Variants in BTBD9 observed in about 807,000 individuals in gnomAD.
BTBD9 encodes BTB domain containing 9.
In BTBD9, 49 loss-of-function variants were observed where a neutral mutation model predicts 64.3. That is an observed-to-expected ratio of 0.76 (90% CI 0.61 to 0.97). BTBD9 has a LOEUF of 0.97. Among genes scored for constraint, BTBD9 ranks in the 50% least tolerant of loss-of-function variants. The pLI, the probability that BTBD9 is intolerant of heterozygous loss-of-function variation, is 0.00. For missense variants in BTBD9, 598 were observed against 762.1 expected (o/e 0.78, Z 2.53); for synonymous variants, 260 against 274.7 (o/e 0.95, Z 0.53).
At chr6:38,433,617 T>G (rs1303978412) in intron 6 of BTBD9, among the ~76,000 whole-genome samples, 1 of 151,482 alleles carries the variant, frequency 6.6e-6, no homozygotes, top group Admixed American at 6.6e-5. Context: ...GCCCCACCCC[T>G]ATCTCCCTTT....
chr6:38,283,715 G>A (rs138516277), intron 8 of BTBD9, among the ~76,000 whole-genome samples: 130 of 152,214 alleles, frequency 8.5e-4, no homozygotes, highest in African/African-American at 3.0e-3. Flanking sequence ...GGTAAGAGAG[G>A]GTTTCCAGGA....
intron 7 of BTBD9, among the ~76,000 whole-genome samples, chr6:38,307,543 G>T (rs1265702837): frequency 6.6e-6 from 1 of 152,172 alleles, no homozygotes; most frequent in East Asian, 1.9e-4. Flanking sequence ...CCATACCTGT[G>T]GGTGAAGCCC....
intron 9 of BTBD9, among the ~76,000 whole-genome samples, chr6:38,243,614 A>G (rs1175861396): frequency 6.6e-6 from 1 of 152,172 alleles, no homozygotes; most frequent in Non-Finnish European, 1.5e-5. Context: ...ATGACTGTGG[A>G]GGGCAAAGAA....
intron 7 of BTBD9, among the ~76,000 whole-genome samples, chr6:38,294,872 C>A (rs1762101403): frequency 6.6e-6 from 1 of 151,294 alleles, no homozygotes; most frequent in African/African-American, 2.4e-5. Flanking sequence ...AATTGCTCCA[C>A]ATCCTCACCA....
At position 38,170,258 on chromosome 6, in the gene BTBD9, C is replaced by G. The variant is rs1016663306; in HGVS notation, c.*4727G>C. ...TCTTCCATGCACCTGTCCCCTGCCT[C>G]TGCATGAGCCCAGCAGAAAATCCTA... On this transcript the variant is annotated 3_prime_UTR_variant, in exon 11 of 11. Transcript: ENST00000481247. The G allele has an allele frequency of 6.6e-6, 1 of 152,568 alleles. No individual in the cohort carries two copies. The highest frequency in any genetic ancestry group is 2.4e-5 in the African/African-American group (1 of 41,572). 9.5% of individuals were successfully genotyped at this position (152,568 alleles called of 1,614,324 possible).
intron 6 of BTBD9, among the ~76,000 whole-genome samples, chr6:38,436,989 CT>C (rs1215119515): frequency 6.6e-6 from 1 of 152,200 alleles, no homozygotes; most frequent in Non-Finnish European, 1.5e-5. Context: ...TCTGTGATAT[CT>C]AAAGCAAGCC....
At chr6:38,383,718 T>C (rs1053294436) in intron 6 of BTBD9, among the ~76,000 whole-genome samples, 3 of 152,206 alleles carry the variant, frequency 2.0e-5, no homozygotes, top group Non-Finnish European at 4.4e-5. Flanking sequence ...CCTTATAAAG[T>C]TGCCAGAAGA....
intron 6 of BTBD9, among the ~76,000 whole-genome samples, chr6:38,369,488 CGTT>C (rs1486567610): frequency 6.6e-6 from 1 of 152,184 alleles, no homozygotes; most frequent in Non-Finnish European, 1.5e-5. Flanking sequence ...TCACTCTAGA[CGTT>C]GTGCAGCTTC....
At chr6:38,269,274 T>C (rs990235628) in intron 8 of BTBD9, among the ~76,000 whole-genome samples, 1 of 152,128 alleles carries the variant, frequency 6.6e-6, no homozygotes, top group Non-Finnish European at 1.5e-5. Flanking sequence ...AAACAAAAGA[T>C]AATTAATCAA....
Position 38,173,255 on chromosome 6 carries a change from CCCACCGTT to C in BTBD9, c.*1722_*1729del, listed in dbSNP as rs1378303898. 6.6e-6 allele frequency: 1 copy of C among 152,160 alleles called. No homozygotes were observed. Among genetic ancestry groups the C allele is most frequent in the Non-Finnish European group, 1.5e-5 (1 of 68,030 alleles). 9.4% of individuals were successfully genotyped at this position (152,160 alleles called of 1,614,324 possible). A position where few individuals can be genotyped will look rare whatever the true frequency, so the allele number is the denominator to read the frequency against. On this transcript the variant is annotated 3_prime_UTR_variant, in exon 11 of 11. Transcript: ENST00000481247. Reference sequence around the variant, plus strand: ...GAGGGCCCCCCACTGTGAGCGGGCGCCCACCGTTCCTTACAGGAGCCTCCTCCCATTAT... The same window carrying C: ...GAGGGCCCCCCACTGTGAGCGGGCGCCCTTACAGGAGCCTCCTCCCATTAT...
chr6:38,528,344 C>T (rs1455187976), intron 6 of BTBD9, among the ~76,000 whole-genome samples: 1 of 152,176 alleles, frequency 6.6e-6, no homozygotes, highest in Non-Finnish European at 1.5e-5. Flanking sequence ...GAAAGGCAGT[C>T]TAGACCACAA....
intron 6 of BTBD9, among the ~76,000 whole-genome samples, chr6:38,556,744 C>T (rs983872671): frequency 6.6e-5 from 10 of 151,528 alleles, no homozygotes; most frequent in Non-Finnish European, 1.5e-4. Context: ...CGGCCGGGCG[C>T]GGTGGATCAT....
At chr6:38,194,983 C>T (rs1561857834) in intron 9 of BTBD9, among the ~76,000 whole-genome samples, 1 of 152,232 alleles carries the variant, frequency 6.6e-6, no homozygotes, top group Non-Finnish European at 1.5e-5. Context: ...TCTAATCACA[C>T]TGGACTTCAG....
At chr6:38,315,238 T>C (rs1762991113) in intron 7 of BTBD9, among the ~76,000 whole-genome samples, 1 of 152,250 alleles carries the variant, frequency 6.6e-6, no homozygotes, top group South Asian at 2.1e-4. Context: ...AACTTTTTGT[T>C]CCATTGATCT....
Position 38,172,389 on chromosome 6 carries a change from C to T in BTBD9, c.*2596G>A, listed in dbSNP as rs1180279110. The stretch of plus-strand genomic sequence containing the variant: ...GACTTTCTGGTAGCCACTCACTTGT[C>T]CCTGTTCCCTGGAGATGAGGTCCTT... On this transcript the variant is annotated 3_prime_UTR_variant, in exon 11 of 11. Coordinates refer to ENST00000481247, the MANE Select transcript of BTBD9 (RefSeq NM_001099272.2). The T allele has an allele frequency of 1.3e-5, 2 of 152,416 alleles. No individual in the cohort carries two copies. The highest frequency in any genetic ancestry group is 2.9e-5 in the Non-Finnish European group (2 of 68,174). The allele number at this position is 152,416 out of a possible 1,614,324, so 9.4% of individuals were successfully genotyped here.
chr6:38,466,814 G>C (rs1425427588), intron 6 of BTBD9, among the ~76,000 whole-genome samples: 1 of 152,176 alleles, frequency 6.6e-6, no homozygotes, highest in Non-Finnish European at 1.5e-5. Flanking sequence ...CTGACCTCAA[G>C]TGATCCACCT....
rs11432881 is a variant in BTBD9, at chr6:38,469,322, C to CTT, written c.1154+108276_1154+108277dup. Among the ~76,000 whole-genome samples, 353 of 127,478 alleles carry CTT rather than the reference C, an allele frequency of 2.8e-3. 2 individuals carry two copies. Among genetic ancestry groups the CTT allele is most frequent in the Middle Eastern group, 4.8e-3 (1 of 210 alleles). The allele number at this position is 127,478 out of a possible 152,430, so 83.6% of individuals were successfully genotyped here. A position where few individuals can be genotyped will look rare whatever the true frequency, so the allele number is the denominator to read the frequency against. On this transcript the variant is annotated intron_variant, in intron 6 of 10. Transcript: ENST00000481247. ...AACCCACTCTCTCTTTTTTTTTTTC[C>CTT]TTTTTTTTTTTTTTTTGAGACAGTC...
intron 10 of BTBD9, chr6:38,179,759 C>A (rs970056215): frequency 4.4e-6 from 2 of 456,620 alleles, no homozygotes; most frequent in Non-Finnish European, 8.8e-6. Context: ...ACAATTCTAC[C>A]AGCACGGGAT....
chr6:38,548,685 A>T (rs1380835048), intron 6 of BTBD9, among the ~76,000 whole-genome samples: 1 of 152,204 alleles, frequency 6.6e-6, no homozygotes, highest in Non-Finnish European at 1.5e-5. Context: ...GAAACAGTGT[A>T]CTAAGATGTT....
Sources: gnomAD v4.1 joint callset for allele counts (sites outside exome capture counted in the v4.1 genomes callset) on GRCh38, gnomAD v4.1.1 for gene constraint, MANE v1.5 for transcripts, NCBI Gene and HGNC (gene_info 2026-07-23, HGNC 2026-07-21) for gene names.